Variants in TMEM201 observed in about 807,000 individuals in gnomAD.
The protein encoded by TMEM201 is RP13-15M17.2.
Under a neutral mutation model 63.4 loss-of-function variants are expected in TMEM201, and 26 were observed. The ratio of observed to expected loss-of-function variants is 0.41; its 90% CI spans 0.30 to 0.57. The LOEUF (loss-of-function observed/expected upper bound fraction) is 0.57, where lower values mean the gene tolerates loss of function less well. TMEM201 is among the 20% of genes least tolerant of loss of function. The pLI, the probability that TMEM201 is intolerant of heterozygous loss-of-function variation, is 0.29. For synonymous variants in TMEM201, 417 were observed against 421.6 expected (o/e 0.99, Z 0.14); for missense variants, 794 against 917.7 (o/e 0.87, Z 1.74).
At chr1:9,589,162 AC>A (rs1361864269) in intron 1 of TMEM201, 119 bp downstream of exon 1, 1 of 254,636 alleles carries the variant, frequency 3.9e-6, no homozygotes, top group Non-Finnish European at 6.0e-6. Flanking sequence ...GCGCGCGGAG[AC>A]CCCCGGCGCG....
At position 9,614,147 on chromosome 1, in the gene TMEM201, G is replaced by C. The variant is rs920712904; in HGVS notation, c.*1064G>C. The C allele has an allele frequency of 6.6e-6, 1 of 152,176 alleles. No homozygotes were observed. The highest frequency in any genetic ancestry group is 2.4e-5 in the African/African-American group (1 of 41,392). 9.4% of individuals were successfully genotyped at this position (152,176 alleles called of 1,614,324 possible). On this transcript the variant is annotated 3_prime_UTR_variant, in exon 11 of 11. Transcript: ENST00000340381. Reference sequence around the variant, plus strand: ...CACCCTGGGCCTGGGACACGGGCCTGGGGCAGTGTGTGTCTGCTGGTCATG... The same window carrying C: ...CACCCTGGGCCTGGGACACGGGCCTCGGGCAGTGTGTGTCTGCTGGTCATG...
At position 9,613,335 on chromosome 1, in the gene TMEM201, A is replaced by G; in HGVS notation, c.*252A>G. 1 of 546,842 alleles carries G rather than the reference A, an allele frequency of 1.8e-6. No homozygotes were observed. The highest frequency in any genetic ancestry group is 3.3e-6 in the Non-Finnish European group (1 of 305,230). 33.9% of individuals were successfully genotyped at this position (546,842 alleles called of 1,614,324 possible). Reference sequence around the variant, plus strand: ...GACATCGGTTGTGTTTGGTGCTGACACTCTGATCCCGAAGCCAGGGAGCCC... The same window carrying G: ...GACATCGGTTGTGTTTGGTGCTGACGCTCTGATCCCGAAGCCAGGGAGCCC... On this transcript the variant is annotated 3_prime_UTR_variant, in exon 11 of 11. Transcript: ENST00000340381.
rs1441976442 is a variant in TMEM201, at chr1:9,603,239, G to A, written c.1160+967G>A. On this transcript the variant is annotated intron_variant, in intron 6 of 10. Transcript: ENST00000340381. This position sits in a 1 kb window ranked among gnomAD's most constrained non-coding sequence, Gnocchi z 4.5. ...ACCTGCTCCTCAGTAGCAGGGCCTGGCCAGGCCCCTGCTGTTCTCAGCCTC... is the reference window on the plus strand; with the variant it reads ...ACCTGCTCCTCAGTAGCAGGGCCTGACCAGGCCCCTGCTGTTCTCAGCCTC... 6.1e-6 allele frequency: 6 copies of A among 985,270 alleles called. No individual in the cohort carries two copies. The highest frequency in any genetic ancestry group is 1.7e-5 in the African/African-American group (1 of 57,230). 61.0% of individuals were successfully genotyped at this position (985,270 alleles called of 1,614,324 possible).
In TMEM201 at chr1:9,601,305, G is replaced by C; in HGVS notation, c.807G>C (p.Glu269Asp). The C allele has an allele frequency of 6.2e-7, 1 of 1,609,964 alleles. No homozygotes were observed. Among genetic ancestry groups the C allele is most frequent in the Non-Finnish European group, 8.5e-7 (1 of 1,179,862 alleles). ...ACAATGGCACCACCCCTGGGGCCGA[G>C]GGCTGGCGGCAGTTGCTGGGCCTAC... is the stretch of plus-strand genomic sequence containing the variant. ...TPDNGTTPGA[E>D]GWRQLLGLLP... is the part of the protein sequence containing the mutation. The change falls in exon 5 of 11, where the codon GAG (glutamate) becomes GAC (aspartate). Residue 269 changes from glutamate to aspartate, a missense_variant. Glu to Asp is a conservative substitution (Grantham distance 45, BLOSUM62 2). Coordinates refer to ENST00000340381, the MANE Select transcript of TMEM201 (RefSeq NM_001130924.3).
chr1:9,613,126 C>A lies in TMEM201; in HGVS notation c.*43C>A. 6.5e-7 allele frequency: 1 copy of A among 1,536,558 alleles called. No homozygotes were observed. Among genetic ancestry groups the A allele is most frequent in the Non-Finnish European group, 8.8e-7 (1 of 1,138,178 alleles). ...TCGGAGGGGAGCAACCCGGTGCCTG[C>A]TGCTTCACCACTGCCGGCCTCAGGA... is the stretch of plus-strand genomic sequence containing the variant. On this transcript the variant is annotated 3_prime_UTR_variant, in exon 11 of 11. Transcript: ENST00000340381.
intron 4 of TMEM201, among the ~76,000 whole-genome samples, chr1:9,600,060 G>A (rs1281318424): frequency 6.6e-6 from 1 of 152,196 alleles, no homozygotes; most frequent in Non-Finnish European, 1.5e-5. Flanking sequence ...CTGTGCAGAC[G>A]TGTGGCAGGG....
At chr1:9,602,393 C>G in intron 6 of TMEM201, 121 bp downstream of exon 6, 2 of 1,483,374 alleles carry the variant, frequency 1.3e-6, no homozygotes, top group African/African-American at 1.4e-5. Flanking sequence ...GCCCTCCCAC[C>G]CCCACCCTAC....
At chr1:9,611,124 A>T (rs1250816483) in intron 9 of TMEM201, 12 of 1,307,546 alleles carry the variant, frequency 9.2e-6, no homozygotes, top group Non-Finnish European at 1.2e-5. Context: ...ACTGCAAAGC[A>T]TTTAAAATGT....
intron 1 of TMEM201, 70 bp from the exon 2 acceptor site, chr1:9,595,820 G>A: frequency 1.2e-6 from 2 of 1,601,558 alleles, no homozygotes; most frequent in Non-Finnish European, 1.7e-6. Context: ...CCCTGGGGCA[G>A]GGCATGGAGG....
rs1277737576 is a variant in TMEM201, at chr1:9,611,745, C to G, written c.1766-8C>G. On this transcript the variant is annotated splice_polypyrimidine_tract_variant and splice_region_variant and intron_variant, in intron 9 of 10. Coordinates refer to ENST00000340381, the MANE Select transcript of TMEM201 (RefSeq NM_001130924.3). ...GCGCCACTGAGAAACACACCCTTCTCTCTGCAGACCTGAGATCCAAGCTGG... is the reference window on the plus strand; with the variant it reads ...GCGCCACTGAGAAACACACCCTTCTGTCTGCAGACCTGAGATCCAAGCTGG... The G allele has an allele frequency of 6.4e-6, 10 of 1,551,262 alleles. No individual in the cohort carries two copies. Among genetic ancestry groups the G allele is most frequent in the African/African-American group, 1.4e-5 (1 of 73,046 alleles).
At chr1:9,590,855 A>AG (rs966274505) in intron 1 of TMEM201, among the ~76,000 whole-genome samples, 27 of 152,268 alleles carry the variant, frequency 1.8e-4, no homozygotes, top group African/African-American at 6.0e-4. Flanking sequence ...CCTTCCTCCG[A>AG]GGAGGAGAGT....
chr1:9,601,136 A>G lies in TMEM201; in HGVS notation c.638A>G (p.Gln213Arg). The G allele has an allele frequency of 6.3e-7, 1 of 1,598,994 alleles. No homozygotes were observed. The highest frequency in any genetic ancestry group is 8.6e-7 in the Non-Finnish European group (1 of 1,168,066). Reference protein sequence around the residue: ...NFSSAVKSPVQVILLRALAFL... With the variant: ...NFSSAVKSPVRVILLRALAFL... ...TCCTCCGCCGTGAAGTCCCCGGTCCAGGTCATCCTGCTCCGTGCCCTCGCC... is the reference window on the plus strand; with the variant it reads ...TCCTCCGCCGTGAAGTCCCCGGTCCGGGTCATCCTGCTCCGTGCCCTCGCC... The change falls in exon 5 of 11, where the codon CAG (glutamine) becomes CGG (arginine). Residue 213 changes from glutamine to arginine, a missense_variant. Transcript: ENST00000340381.
chr1:9,603,040 T>C lies in TMEM201; in HGVS notation c.1160+768T>C. 1.0e-6 allele frequency: 1 copy of C among 985,486 alleles called. No individual in the cohort carries two copies. Among genetic ancestry groups the C allele is most frequent in the Non-Finnish European group, 1.2e-6 (1 of 829,984 alleles). 61.0% of individuals were successfully genotyped at this position (985,486 alleles called of 1,614,324 possible). ...CAGGCAGTAGGAGCCTGTGCTGACCTTGGGGAATCTGAGCTTTTCCAAGGG... is the reference window on the plus strand; with the variant it reads ...CAGGCAGTAGGAGCCTGTGCTGACCCTGGGGAATCTGAGCTTTTCCAAGGG... On this transcript the variant is annotated intron_variant, in intron 6 of 10. Coordinates refer to ENST00000340381, the MANE Select transcript of TMEM201 (RefSeq NM_001130924.3). The surrounding 1 kb of genome is among the most constrained non-coding windows in gnomAD (Gnocchi z 4.5).
intron 1 of TMEM201, among the ~76,000 whole-genome samples, chr1:9,594,241 G>C (rs550769275): frequency 6.6e-6 from 1 of 152,232 alleles, no homozygotes; most frequent in African/African-American, 2.4e-5. Flanking sequence ...GCTCCGTTTC[G>C]TCGCTGGTCT....
chr1:9,606,643 G>C (rs1644249502), intron 6 of TMEM201: 1 of 152,290 alleles, frequency 6.6e-6, no homozygotes, highest in Admixed American at 6.5e-5. Context: ...ACCGAGGTAA[G>C]GCTGGACCCC....
rs1310454009 is a variant in TMEM201 at position 9,603,987 on chromosome 1, G to GC, written c.1160+1721dup. ...GAGTTGGGGCGGGTGAGCCAAAGCGGCCCCCCATGGTGTCTACCTGAGGGG... is the reference window on the plus strand; with the variant it reads ...GAGTTGGGGCGGGTGAGCCAAAGCGGCCCCCCCATGGTGTCTACCTGAGGGG... On this transcript the variant is annotated intron_variant, in intron 6 of 10. Coordinates refer to ENST00000340381, the MANE Select transcript of TMEM201 (RefSeq NM_001130924.3). The surrounding 1 kb of genome is among the most constrained non-coding windows in gnomAD (Gnocchi z 4.5). The GC allele has an allele frequency of 3.0e-6, 3 of 985,274 alleles. No homozygotes were observed. Among genetic ancestry groups the GC allele is most frequent in the South Asian group, 9.4e-5 (2 of 21,290 alleles). The allele number at this position is 985,274 out of a possible 1,614,324, so 61.0% of individuals were successfully genotyped here.
intron 1 of TMEM201, among the ~76,000 whole-genome samples, chr1:9,594,338 G>A (rs1465574044): frequency 1.3e-5 from 2 of 152,230 alleles, no homozygotes; most frequent in African/African-American, 4.8e-5. Context: ...CTGGGGCAGG[G>A]GGTGTGGGGT....
chr1:9,595,042 C>T (rs986937776), intron 1 of TMEM201, among the ~76,000 whole-genome samples: 13 of 152,172 alleles, frequency 8.5e-5, no homozygotes, highest in African/African-American at 1.4e-4. Flanking sequence ...GCAGCAAAGC[C>T]GGGGCCCCAG....
At chr1:9,596,435 C>T (rs1485124217) in intron 2 of TMEM201, among the ~76,000 whole-genome samples, 13 of 152,234 alleles carry the variant, frequency 8.5e-5, no homozygotes, top group Admixed American at 7.9e-4. Flanking sequence ...GCTGAGCCAC[C>T]GTAGGTAATA....
Sources: allele counts gnomAD v4.1 joint callset (sites outside exome capture counted in the v4.1 genomes callset), GRCh38; gene constraint gnomAD v4.1.1; non-coding constraint Gnocchi (gnomAD v3.1); transcripts MANE v1.5; gene names NCBI Gene and HGNC (gene_info 2026-07-23, HGNC 2026-07-21).